The following NCALD variants were observed in gnomAD, a reference collection of about 807,000 sequenced individuals.
NCALD encodes the protein neurocalcin delta.
Under a neutral mutation model 18.6 loss-of-function variants are expected in NCALD, and 10 were observed. That is an observed-to-expected ratio of 0.54 (90% CI 0.33 to 0.91). NCALD has a LOEUF of 0.91. Ranked by LOEUF, NCALD falls within the 40% of genes least tolerant of loss-of-function variation. NCALD has a pLI of 0.03. For synonymous variants in NCALD, 88 were observed against 87.4 expected, an observed-to-expected ratio of 1.01 and a Z score of -0.04; for missense variants, 184 against 247.6, an observed-to-expected ratio of 0.74 and a Z score of 1.72.
intron 2 of NCALD, among the ~76,000 whole-genome samples, chr8:101,981,066 T>C (rs930093580): frequency 3.9e-5 from 6 of 152,246 alleles, no homozygotes; most frequent in Non-Finnish European, 1.5e-5. Flanking sequence ...TAAACAGTCA[T>C]TTAATTCTTG....
chr8:101,767,062 T>C (rs923794749), intron 1 of NCALD, among the ~76,000 whole-genome samples: 2 of 152,200 alleles, frequency 1.3e-5, no homozygotes, highest in Non-Finnish European at 2.9e-5. Flanking sequence ...CAGTTGAGTT[T>C]TCCCCCTTCA....
chr8:101,770,437 TTA>T (rs1407238751), intron 1 of NCALD, among the ~76,000 whole-genome samples: 2 of 152,356 alleles, frequency 1.3e-5, no homozygotes, highest in Admixed American at 1.3e-4. Context: ...TAAAATCTCC[TTA>T]TAAACAGATT....
At position 101,748,421 on chromosome 8, in the gene NCALD, C is replaced by T. The variant is rs369202751; in HGVS notation, c.-19-28773G>A. On this transcript the variant is annotated intron_variant, in intron 1 of 3. Transcript: ENST00000220931. ...AGTTTAAGTGGCTTGATTGTCAGCT[C>T]GTTCATCAATCTCACCAGTATAACT... 8.1e-4 allele frequency among the ~76,000 whole-genome samples: 124 copies of T among 152,268 alleles called. 1 individual carries two copies. The South Asian group carries it at 0.025, about 30-fold the overall frequency.
intron 2 of NCALD, among the ~76,000 whole-genome samples, chr8:101,980,759 GAGC>G (rs1435264902): frequency 1.3e-5 from 2 of 152,214 alleles, no homozygotes; most frequent in Non-Finnish European, 2.9e-5. Context: ...TGCAAAAATA[GAGC>G]AGGTTACCCA....
chr8:101,918,389 A>C (rs1321462205), intron 2 of NCALD, among the ~76,000 whole-genome samples: 1 of 152,132 alleles, frequency 6.6e-6, no homozygotes, highest in Non-Finnish European at 1.5e-5. Context: ...GAAGGGGCAA[A>C]AACTAAAAGC....
At chr8:101,799,121 C>A (rs1268610528) in intron 4 of NCALD, among the ~76,000 whole-genome samples, 4 of 151,972 alleles carry the variant, frequency 2.6e-5, no homozygotes, top group African/African-American at 7.3e-5. Context: ...CACAATCCAA[C>A]TAGAGAATAG....
chr8:101,936,421 G>T (rs1818765909), intron 2 of NCALD, among the ~76,000 whole-genome samples: 1 of 152,162 alleles, frequency 6.6e-6, no homozygotes. Context: ...AATGAAGGGA[G>T]AAACAGCCAA....
chr8:102,116,816 G>C, intron 1 of NCALD, among the ~76,000 whole-genome samples: 1 of 152,076 alleles, frequency 6.6e-6, no homozygotes, highest in African/African-American at 2.4e-5. Flanking sequence ...CCATAACCAA[G>C]CTTTAACCCC....
At chr8:101,722,257 T>G (rs1168905447) in intron 1 of NCALD, among the ~76,000 whole-genome samples, 1 of 152,224 alleles carries the variant, frequency 6.6e-6, no homozygotes, top group African/African-American at 2.4e-5. Flanking sequence ...CTTCCCTCTG[T>G]GTCCTTTTTT....
At chr8:101,987,045 G>C (rs1820839995) in intron 2 of NCALD, among the ~76,000 whole-genome samples, 1 of 152,142 alleles carries the variant, frequency 6.6e-6, no homozygotes, top group African/African-American at 2.4e-5. Context: ...AATTTATTAT[G>C]TATGAAGAAA....
At chr8:101,702,939 A>ACG (rs1815338749) in intron 2 of NCALD, among the ~76,000 whole-genome samples, 1 of 152,238 alleles carries the variant, frequency 6.6e-6, no homozygotes, top group African/African-American at 2.4e-5. Context: ...CACAATGCAC[A>ACG]CGAACATATT....
chr8:102,024,800 C>T (rs927589201), intron 1 of NCALD, among the ~76,000 whole-genome samples: 4 of 152,202 alleles, frequency 2.6e-5, no homozygotes, highest in African/African-American at 9.6e-5. Flanking sequence ...CTCAAATACA[C>T]TTTTGATACA....
intron 1 of NCALD, among the ~76,000 whole-genome samples, chr8:102,116,742 A>T (rs1223014119): frequency 1.3e-5 from 2 of 152,080 alleles, no homozygotes; most frequent in Non-Finnish European, 2.9e-5. Flanking sequence ...TCCTGGGCTC[A>T]AGCAATCCTC....
chr8:101,717,816 T>C (rs1457129541), intron 2 of NCALD, among the ~76,000 whole-genome samples: 1 of 152,174 alleles, frequency 6.6e-6, no homozygotes, highest in Non-Finnish European at 1.5e-5. Flanking sequence ...CTCTGTGAGA[T>C]CCTACAGTAA....
intron 1 of NCALD, among the ~76,000 whole-genome samples, chr8:102,075,094 G>A (rs1465164): frequency 0.061 from 9,251 of 152,238 alleles, 411 homozygotes; most frequent in Non-Finnish European, 0.092. Flanking sequence ...CCCCTGGCCA[G>A]TTAGCTGTAA....
chr8:102,052,163 A>AT (rs1172625183), intron 1 of NCALD, among the ~76,000 whole-genome samples: 3 of 152,034 alleles, frequency 2.0e-5, no homozygotes, highest in Non-Finnish European at 2.9e-5. Context: ...TTAAGATAAT[A>AT]TTTTTTTTAA....
At chr8:101,839,798 G>A (rs927414188) in intron 4 of NCALD, among the ~76,000 whole-genome samples, 3 of 151,976 alleles carry the variant, frequency 2.0e-5, no homozygotes, top group African/African-American at 7.3e-5. Context: ...ATCAAAGATG[G>A]TCAGGGTAAT....
intron 4 of NCALD, among the ~76,000 whole-genome samples, chr8:101,825,830 A>C (rs1813914082): frequency 1.3e-5 from 2 of 152,248 alleles, no homozygotes; most frequent in African/African-American, 4.8e-5. Flanking sequence ...GCACAAAAGC[A>C]GCTATAGACA....
chr8:101,750,411 A>G (rs1193418206), intron 1 of NCALD, among the ~76,000 whole-genome samples: 1 of 152,168 alleles, frequency 6.6e-6, no homozygotes, highest in Non-Finnish European at 1.5e-5. Flanking sequence ...CTGGTTGTCC[A>G]ACTGGTGATA....
Sources: allele counts gnomAD v4.1 joint callset (sites outside exome capture counted in the v4.1 genomes callset), GRCh38; gene constraint gnomAD v4.1.1; transcripts MANE v1.5; gene names NCBI Gene and HGNC (gene_info 2026-07-23, HGNC 2026-07-21).